Variants in AGBL1 observed in about 807,000 individuals in gnomAD.
The protein encoded by AGBL1 is AGBL carboxypeptidase 1.
Under a neutral mutation model 118.9 loss-of-function variants are expected in AGBL1, and 130 were observed. That is an observed-to-expected ratio of 1.09 (90% CI 0.95 to 1.26). The LOEUF is 1.26. Ranked by LOEUF, AGBL1 falls within the 50% of genes most tolerant of loss-of-function variation. AGBL1 has a pLI of 0.00. For synonymous variants in AGBL1, 555 were observed against 478.9 expected, an observed-to-expected ratio of 1.16 and a Z score of -2.08; for missense variants, 1,584 against 1,298.1, an observed-to-expected ratio of 1.22 and a Z score of -3.38.
chr15:86,899,164 T>C (rs1048496187), intron 22 of AGBL1, among the ~76,000 whole-genome samples: 2 of 151,970 alleles, frequency 1.3e-5, no homozygotes, highest in Non-Finnish European at 2.9e-5. Context: ...ATAGACTGGG[T>C]AAAGAAAATG....
chr15:86,684,122 A>G (rs1429858772), intron 22 of AGBL1, among the ~76,000 whole-genome samples: 1 of 152,286 alleles, frequency 6.6e-6, no homozygotes, highest in African/African-American at 2.4e-5. Context: ...GAGGGAGGCT[A>G]ATGAACAGGA....
chr15:87,023,349 CA>C (rs2081689319), intron 24 of AGBL1, among the ~76,000 whole-genome samples: 1 of 151,952 alleles, frequency 6.6e-6, no homozygotes, highest in African/African-American at 2.4e-5. Context: ...TAAGAAAAAA[CA>C]AACTTTAAAG....
chr15:86,928,248 C>G lies in AGBL1; in HGVS notation c.3222-59739C>G, dbSNP rs571361421. On this transcript the variant is annotated intron_variant, in intron 23 of 24. Transcript: ENST00000441037. ...CCTTGGGCTGTCAGAATCTGTGATG[C>G]AGAGCAAAGAGAGGGCAGAGGAACA... 1.3e-4 allele frequency among the ~76,000 whole-genome samples: 20 copies of G among 152,146 alleles called. No homozygotes were observed. In the South Asian group the frequency reaches 4.2e-3, roughly 32 times the overall value.
chr15:86,762,057 T>C (rs1567161868), intron 22 of AGBL1, among the ~76,000 whole-genome samples: 2 of 152,084 alleles, frequency 1.3e-5, no homozygotes, highest in South Asian at 2.1e-4. Flanking sequence ...AATGAGATTA[T>C]GTCATTTGCA....
chr15:86,870,702 G>A (rs907389616), intron 22 of AGBL1, among the ~76,000 whole-genome samples: 1 of 152,062 alleles, frequency 6.6e-6, no homozygotes, highest in Non-Finnish European at 1.5e-5. Flanking sequence ...ATAAATGAGT[G>A]GGAGAAATCA....
intron 6 of AGBL1, among the ~76,000 whole-genome samples, chr15:86,243,893 A>C (rs1597613323): frequency 6.6e-6 from 1 of 151,992 alleles, no homozygotes; most frequent in East Asian, 1.9e-4. Context: ...AGTGGCGTGC[A>C]CCTGGAATCC....
At chr15:87,006,202 C>A (rs966143043) in intron 24 of AGBL1, among the ~76,000 whole-genome samples, 1 of 152,186 alleles carries the variant, frequency 6.6e-6, no homozygotes, top group African/African-American at 2.4e-5. Flanking sequence ...GCTGGGAGAA[C>A]CACTACTCTT....
chr15:86,224,583 C>G (rs1211415939), intron 5 of AGBL1, among the ~76,000 whole-genome samples: 1 of 152,078 alleles, frequency 6.6e-6, no homozygotes, highest in East Asian at 1.9e-4. Flanking sequence ...AATCAAGAGA[C>G]TGACAAGAGC....
At chr15:86,542,643 C>T (rs1435632712) in intron 19 of AGBL1, among the ~76,000 whole-genome samples, 1 of 152,072 alleles carries the variant, frequency 6.6e-6, no homozygotes, top group Non-Finnish European at 1.5e-5. Flanking sequence ...GCTGGGATTT[C>T]CAGGAGTGAG....
At chr15:86,935,142 G>A (rs1433456) in intron 23 of AGBL1, 18,719 of 151,936 alleles carry the variant, frequency 0.12, 1,775 homozygotes, top group African/African-American at 0.25. Flanking sequence ...TTTTCTCCCC[G>A]ATTCCTCTCC....
intron 5 of AGBL1, among the ~76,000 whole-genome samples, chr15:86,195,320 A>G (rs942619989): frequency 1.3e-5 from 2 of 152,142 alleles, no homozygotes; most frequent in African/African-American, 4.8e-5. Context: ...GAATTTGCAT[A>G]TAGTCATCCT....
chr15:86,933,839 G>A (rs1310765042), intron 23 of AGBL1, among the ~76,000 whole-genome samples: 2 of 152,184 alleles, frequency 1.3e-5, no homozygotes, highest in Non-Finnish European at 1.5e-5. Flanking sequence ...CCTTGCCGGA[G>A]GAATTGCCAC....
chr15:86,365,295 A>G (rs944234602), intron 17 of AGBL1, among the ~76,000 whole-genome samples: 10 of 152,138 alleles, frequency 6.6e-5, no homozygotes, highest in African/African-American at 2.2e-4. Context: ...ATTCAAGTCC[A>G]TGTGTAGTAG....
intron 1 of AGBL1, among the ~76,000 whole-genome samples, chr15:86,119,035 C>T (rs1897933700): frequency 6.6e-6 from 1 of 152,116 alleles, no homozygotes; most frequent in African/African-American, 2.4e-5. Context: ...TAGTAAGTGT[C>T]AATACCAACA....
intron 4 of AGBL1, among the ~76,000 whole-genome samples, chr15:86,158,134 T>C (rs868092309): frequency 6.6e-6 from 1 of 152,182 alleles, no homozygotes; most frequent in Non-Finnish European, 1.5e-5. Context: ...AATTACTTCA[T>C]GTACTAGCCT....
chr15:86,090,207 GATTCC>G (rs1326618557), intron 1 of AGBL1, among the ~76,000 whole-genome samples: 1 of 152,066 alleles, frequency 6.6e-6, no homozygotes, highest in Admixed American at 6.6e-5. Flanking sequence ...TCTGACTCCA[GATTCC>G]ATTCCATTCC....
chr15:86,463,379 T>C (rs2082358020), intron 18 of AGBL1, among the ~76,000 whole-genome samples: 1 of 151,572 alleles, frequency 6.6e-6, no homozygotes, highest in African/African-American at 2.4e-5. Flanking sequence ...TTTTCTCCCA[T>C]TCTGTAGGTT....
intron 21 of AGBL1, among the ~76,000 whole-genome samples, chr15:86,627,547 C>G (rs145292885): frequency 6.6e-6 from 1 of 152,048 alleles, no homozygotes; most frequent in African/African-American, 2.4e-5. Context: ...AGTGGGAAAA[C>G]GAAGGTGCTG....
At chr15:86,500,019 A>C (rs1214238925) in intron 18 of AGBL1, among the ~76,000 whole-genome samples, 1 of 151,860 alleles carries the variant, frequency 6.6e-6, no homozygotes, top group East Asian at 1.9e-4. Context: ...TCAGTTGCCA[A>C]TCTGAGCTAT....
Sources: allele counts gnomAD v4.1 joint callset (sites outside exome capture counted in the v4.1 genomes callset), GRCh38; gene constraint gnomAD v4.1.1; transcripts MANE v1.5; gene names NCBI Gene and HGNC (gene_info 2026-07-23, HGNC 2026-07-21).